ITPR2: variants seen among roughly 807,000 people sequenced by gnomAD.
ITPR2 encodes inositol 1,4,5-trisphosphate receptor type 2.
ITPR2 carries 207 observed loss-of-function variants against 317.1 expected under a neutral mutation model. That is an observed-to-expected ratio of 0.65 (90% CI 0.58 to 0.73). The LOEUF is 0.73. Ranked by LOEUF, ITPR2 falls within the 30% of genes least tolerant of loss-of-function variation. The pLI, the probability that ITPR2 is intolerant of heterozygous loss-of-function variation, is 0.00. For synonymous variants in ITPR2, 1,156 were observed against 1,149.1 expected (o/e 1.01, Z -0.12); for missense variants, 2,613 against 3,284.0 (o/e 0.80, Z 4.99).
At chr12:26,525,682 T>C (rs1943793743) in intron 37 of ITPR2, among the ~76,000 whole-genome samples, 1 of 152,214 alleles carries the variant, frequency 6.6e-6, no homozygotes, top group Non-Finnish European at 1.5e-5. Context: ...TCTAGATGAT[T>C]TGTTCACAAA....
chr12:26,495,026 GT>G, intron 38 of ITPR2, 125 bp downstream of exon 38: 1 of 666,146 alleles, frequency 1.5e-6, no homozygotes, highest in Non-Finnish European at 2.7e-6. Context: ...TTGTATGAAA[GT>G]TTTTAACAGT....
chr12:26,524,814 T>A (rs1299972327), intron 37 of ITPR2, among the ~76,000 whole-genome samples: 1 of 152,202 alleles, frequency 6.6e-6, no homozygotes, highest in Admixed American at 6.5e-5. Context: ...GCAGTTAAAA[T>A]TAAGCAGGTT....
rs527869098 is a variant in ITPR2 at position 26,436,405 on chromosome 12, T to C, written c.6644-59A>G. On this transcript the variant is annotated intron_variant, in intron 47 of 56. Transcript: ENST00000381340. ...GAAAATACATTTTGGTTTCAACACA[T>C]GAAGCTTACCAAAACAATATTTTAC... 17 of 1,485,392 alleles carry C rather than the reference T, an allele frequency of 1.1e-5. No homozygotes were observed. The South Asian group carries it at 1.6e-4, about 14-fold the overall frequency. The allele number at this position is 1,485,392 out of a possible 1,614,324, so 92.0% of individuals were successfully genotyped here. A position where few individuals can be genotyped will look rare whatever the true frequency, so the allele number is the denominator to read the frequency against.
chr12:26,380,335 A>G (rs1939469114), intron 55 of ITPR2, among the ~76,000 whole-genome samples: 1 of 152,228 alleles, frequency 6.6e-6, no homozygotes, highest in Admixed American at 6.5e-5. Context: ...CTAAAGAGAA[A>G]ATGAGAATAA....
At chr12:26,346,620 T>C (rs561373885) in intron 55 of ITPR2, among the ~76,000 whole-genome samples, 1 of 139,928 alleles carries the variant, frequency 7.1e-6, no homozygotes, top group African/African-American at 2.5e-5. Flanking sequence ...GTAAAGACTT[T>C]CTCAAAAAAA....
intron 9 of ITPR2, among the ~76,000 whole-genome samples, chr12:26,703,347 A>G (rs1342421175): frequency 1.3e-5 from 2 of 152,236 alleles, no homozygotes; most frequent in African/African-American, 2.4e-5. Context: ...GACAAGGACC[A>G]TGTGTTAATC....
chr12:26,465,592 T>C (rs781278199), intron 45 of ITPR2, among the ~76,000 whole-genome samples: 5 of 150,934 alleles, frequency 3.3e-5, no homozygotes, highest in Non-Finnish European at 5.9e-5. Flanking sequence ...GGTATCTCTC[T>C]GTTCCTCTTG....
At chr12:26,662,218 T>C in intron 15 of ITPR2, among the ~76,000 whole-genome samples, 1 of 152,220 alleles carries the variant, frequency 6.6e-6, no homozygotes, top group Non-Finnish European at 1.5e-5. Flanking sequence ...CCCAAAAATG[T>C]TCAAACTACC....
At chr12:26,816,173 T>C (rs752367887) in intron 1 of ITPR2, among the ~76,000 whole-genome samples, 2 of 148,690 alleles carry the variant, frequency 1.3e-5, no homozygotes, top group Non-Finnish European at 3.0e-5. Context: ...ATCAATGTAA[T>C]ATTAACTTAG....
intron 51 of ITPR2, among the ~76,000 whole-genome samples, chr12:26,414,705 T>C (rs1347534337): frequency 2.0e-5 from 3 of 152,124 alleles, no homozygotes; most frequent in Non-Finnish European, 4.4e-5. Context: ...TGATTATAAA[T>C]GGACGGTGCC....
At chr12:26,628,741 A>G (rs1385725365) in intron 22 of ITPR2, among the ~76,000 whole-genome samples, 2 of 152,196 alleles carry the variant, frequency 1.3e-5, no homozygotes, top group Non-Finnish European at 2.9e-5. Context: ...GTACCTAGCA[A>G]GGCTCCAGAC....
intron 45 of ITPR2, among the ~76,000 whole-genome samples, chr12:26,465,229 T>A (rs899443173): frequency 1.3e-5 from 2 of 152,146 alleles, no homozygotes; most frequent in African/African-American, 4.8e-5. Flanking sequence ...GGGCAAAAAC[T>A]AAGTGAAGAA....
chr12:26,677,762 T>C (rs1043332913), intron 13 of ITPR2, among the ~76,000 whole-genome samples: 16 of 152,086 alleles, frequency 1.1e-4, no homozygotes, highest in Admixed American at 8.5e-4. Flanking sequence ...TAAAAAGATA[T>C]GGAAAAAGAG....
chr12:26,368,432 C>T (rs915637563), intron 55 of ITPR2, among the ~76,000 whole-genome samples: 57 of 152,010 alleles, frequency 3.7e-4, no homozygotes, highest in Admixed American at 2.4e-3. Flanking sequence ...GAGTATATTC[C>T]TTTTTATAAA....
chr12:26,522,780 C>G (rs777873038), intron 37 of ITPR2, among the ~76,000 whole-genome samples: 11 of 151,996 alleles, frequency 7.2e-5, no homozygotes, highest in Admixed American at 1.3e-4. Context: ...AAGAATTTAC[C>G]TTAAGCAAAT....
intron 34 of ITPR2, among the ~76,000 whole-genome samples, chr12:26,563,921 A>T (rs1944883372): frequency 6.6e-6 from 1 of 152,212 alleles, no homozygotes; most frequent in South Asian, 2.1e-4. Context: ...CACAAGGAAA[A>T]CCAATACCAT....
At chr12:26,653,595 C>T (rs1436152503) in intron 21 of ITPR2, among the ~76,000 whole-genome samples, 1 of 152,166 alleles carries the variant, frequency 6.6e-6, no homozygotes, top group African/African-American at 2.4e-5. Flanking sequence ...TCTATTCTCT[C>T]TTTGACACCT....
intron 45 of ITPR2, among the ~76,000 whole-genome samples, chr12:26,453,437 A>G (rs11615994): frequency 0.69 from 104,807 of 152,096 alleles, 38,191 homozygotes; most frequent in Non-Finnish European, 0.82. Context: ...GAAGCAAGAA[A>G]AGAAACTAAT....
intron 55 of ITPR2, 65 bp from the exon 56 acceptor site, chr12:26,340,393 TTTA>T: frequency 7.0e-7 from 1 of 1,428,866 alleles, no homozygotes; most frequent in Non-Finnish European, 9.3e-7. Flanking sequence ...TCTATAGCTG[TTTA>T]TTATTACTAA....
Sources: allele counts gnomAD v4.1 joint callset (sites outside exome capture counted in the v4.1 genomes callset), GRCh38; gene constraint gnomAD v4.1.1; transcripts MANE v1.5; gene names NCBI Gene and HGNC (gene_info 2026-07-23, HGNC 2026-07-21).